Variants in VPS13B observed in about 807,000 individuals in gnomAD.
VPS13B encodes the protein vacuolar protein sorting 13 homolog B.
Under a neutral mutation model 426.4 loss-of-function variants are expected in VPS13B, and 285 were observed. The ratio of observed to expected loss-of-function variants is 0.67; its 90% confidence interval spans 0.61 to 0.74. The LOEUF is 0.74. Ranked by LOEUF, VPS13B falls within the 30% of genes least tolerant of loss-of-function variation. The probability of loss-of-function intolerance (pLI) is 0.00; values close to 1 mark genes in which losing one functional copy is unlikely to be tolerated. For synonymous variants in VPS13B, 1,676 were observed against 1,676.4 expected, an observed-to-expected ratio of 1.00 and a Z score of 0.01; for missense variants, 4,537 against 4,782.6, an observed-to-expected ratio of 0.95 and a Z score of 1.51.
chr8:99,397,512 C>A (rs566090299), intron 21 of VPS13B, among the ~76,000 whole-genome samples: 1 of 152,066 alleles, frequency 6.6e-6, no homozygotes, highest in East Asian at 1.9e-4. Flanking sequence ...AAATTTATGC[C>A]GAAGTTTAAT....
At chr8:99,095,715 A>C (rs911386258) in intron 3 of VPS13B, among the ~76,000 whole-genome samples, 1 of 152,220 alleles carries the variant, frequency 6.6e-6, no homozygotes, top group Non-Finnish European at 1.5e-5. Context: ...TGCAGTTATA[A>C]ATACAGGGAT....
At chr8:99,697,288 C>G (rs899829547) in intron 35 of VPS13B, 2 of 576,556 alleles carry the variant, frequency 3.5e-6, no homozygotes, top group Admixed American at 2.9e-5. Context: ...CAGAAGCGCT[C>G]GGAGTTGGAG....
At chr8:99,422,714 T>C (rs954415575) in intron 21 of VPS13B, among the ~76,000 whole-genome samples, 2 of 152,180 alleles carry the variant, frequency 1.3e-5, no homozygotes, top group African/African-American at 2.4e-5. Context: ...AAAAATACAA[T>C]AAGTAATTCA....
intron 6 of VPS13B, among the ~76,000 whole-genome samples, chr8:99,115,413 A>C (rs1332370070): frequency 6.6e-6 from 1 of 152,068 alleles, no homozygotes; most frequent in African/African-American, 2.4e-5. Flanking sequence ...TTGTTTCTGG[A>C]ATAGTAATCT....
chr8:99,657,018 G>A (rs1396670715), intron 34 of VPS13B, among the ~76,000 whole-genome samples: 1 of 152,124 alleles, frequency 6.6e-6, no homozygotes, highest in African/African-American at 2.4e-5. Flanking sequence ...TTAATATTTT[G>A]TTGGGAAATA....
At chr8:99,719,737 G>T (rs1833062677) in intron 37 of VPS13B, among the ~76,000 whole-genome samples, 1 of 152,066 alleles carries the variant, frequency 6.6e-6, no homozygotes, top group South Asian at 2.1e-4. Context: ...TCCATTAGAG[G>T]AAACACTAAG....
At chr8:99,391,216 C>T (rs1161078249) in intron 20 of VPS13B, among the ~76,000 whole-genome samples, 2 of 152,030 alleles carry the variant, frequency 1.3e-5, no homozygotes, top group Admixed American at 6.6e-5. Flanking sequence ...TTAACTTGCT[C>T]TTTCCATATT....
chr8:99,167,617 T>C (rs1013904632), intron 15 of VPS13B, among the ~76,000 whole-genome samples: 7 of 152,128 alleles, frequency 4.6e-5, no homozygotes. Flanking sequence ...ATAATGTTTC[T>C]AAATCCATTA....
intron 43 of VPS13B, among the ~76,000 whole-genome samples, chr8:99,802,110 A>T (rs1813154398): frequency 6.6e-6 from 1 of 151,956 alleles, no homozygotes; most frequent in Non-Finnish European, 1.5e-5. Context: ...TGATCGTGCC[A>T]CTACACTCAA....
intron 30 of VPS13B, among the ~76,000 whole-genome samples, chr8:99,531,853 A>G (rs1311666878): frequency 1.3e-5 from 2 of 152,086 alleles, no homozygotes; most frequent in African/African-American, 2.4e-5. Flanking sequence ...CACCTATATC[A>G]TTGCTCTGTC....
chr8:99,425,917 AT>A (rs1302472446), intron 21 of VPS13B, among the ~76,000 whole-genome samples: 3 of 151,970 alleles, frequency 2.0e-5, no homozygotes, highest in African/African-American at 7.2e-5. Flanking sequence ...TTTGTTTTTA[AT>A]TTTTTATTAT....
At chr8:99,845,612 C>G (rs1037216454) in intron 54 of VPS13B, among the ~76,000 whole-genome samples, 4 of 152,172 alleles carry the variant, frequency 2.6e-5, no homozygotes, top group African/African-American at 9.7e-5. Context: ...TTCTTACTTG[C>G]TGATGTCATG....
intron 23 of VPS13B, among the ~76,000 whole-genome samples, chr8:99,466,944 A>G (rs1300715685): frequency 1.3e-5 from 2 of 152,134 alleles, no homozygotes; most frequent in African/African-American, 4.8e-5. Context: ...CTGTTCCTCT[A>G]CATTCTATCA....
intron 54 of VPS13B, among the ~76,000 whole-genome samples, chr8:99,847,650 G>C (rs1033167070): frequency 6.6e-6 from 1 of 152,184 alleles, no homozygotes; most frequent in Non-Finnish European, 1.5e-5. Context: ...AGCAGAGGGA[G>C]AAGGCAGAGA....
chr8:99,806,686 A>AT (rs921029563), intron 43 of VPS13B, among the ~76,000 whole-genome samples: 5 of 152,184 alleles, frequency 3.3e-5, no homozygotes, highest in South Asian at 2.1e-4. Flanking sequence ...CAAATGTCAC[A>AT]TTTTTTTGTG....
At chr8:99,365,585 C>T (rs1394858355) in intron 19 of VPS13B, among the ~76,000 whole-genome samples, 4 of 145,180 alleles carry the variant, frequency 2.8e-5, no homozygotes, top group Non-Finnish European at 6.0e-5. Context: ...GGCACGATCT[C>T]GGCTCACTGC....
intron 54 of VPS13B, among the ~76,000 whole-genome samples, chr8:99,845,404 C>G (rs1021847620): frequency 6.6e-6 from 1 of 152,136 alleles, no homozygotes; most frequent in Non-Finnish European, 1.5e-5. Flanking sequence ...TCTCAAGATT[C>G]TGAGGAAGTG....
chr8:99,198,146 A>C (rs1327397684), intron 17 of VPS13B, among the ~76,000 whole-genome samples: 1 of 152,158 alleles, frequency 6.6e-6, no homozygotes, highest in African/African-American at 2.4e-5. Context: ...GTTATTTTAT[A>C]TGGATTTACT....
intron 43 of VPS13B, among the ~76,000 whole-genome samples, chr8:99,787,138 G>A (rs567627327): frequency 3.5e-4 from 54 of 152,188 alleles, no homozygotes; most frequent in African/African-American, 1.3e-3. Context: ...TAAAGTTCAC[G>A]GAACTTAACT....
Sources: allele counts gnomAD v4.1 joint callset (sites outside exome capture counted in the v4.1 genomes callset), GRCh38; gene constraint gnomAD v4.1.1; transcripts MANE v1.5; gene names NCBI Gene and HGNC (gene_info 2026-07-23, HGNC 2026-07-21).